MFHAS1: variants seen among roughly 807,000 people sequenced by gnomAD.
MFHAS1 encodes the protein malignant fibrous histiocytoma-amplified sequence 1.
A neutral mutation model predicts 70.4 loss-of-function variants in MFHAS1; 50 were observed. That is an observed-to-expected ratio of 0.71 (90% CI 0.57 to 0.90). The LOEUF is 0.90. MFHAS1 is among the 40% of genes least tolerant of loss of function. The pLI, the probability that MFHAS1 is intolerant of heterozygous loss-of-function variation, is 0.00. For missense variants in MFHAS1, 1,795 were observed against 1,347.6 expected (o/e 1.33, Z -5.20); for synonymous variants, 952 against 620.0 (o/e 1.54, Z -7.96).
chr8:8,853,568 G>C (rs1164996629), intron 1 of MFHAS1, among the ~76,000 whole-genome samples: 2 of 151,732 alleles, frequency 1.3e-5, no homozygotes, highest in East Asian at 3.9e-4. Context: ...TCAGGTCCTA[G>C]CTACGTATAT....
chr8:8,826,320 A>G (rs1807161356), intron 1 of MFHAS1, among the ~76,000 whole-genome samples: 1 of 151,624 alleles, frequency 6.6e-6, no homozygotes, highest in Non-Finnish European at 1.5e-5. Context: ...CTCTTCTTCC[A>G]TATTCACAGA....
chr8:8,825,432 C>A (rs1413103074), intron 1 of MFHAS1, among the ~76,000 whole-genome samples: 2 of 152,236 alleles, frequency 1.3e-5, no homozygotes, highest in African/African-American at 4.8e-5. Context: ...CTCAGCCTCC[C>A]AAAGTGCTGG....
intron 2 of MFHAS1, among the ~76,000 whole-genome samples, chr8:8,793,255 A>G (rs2117249931): frequency 6.6e-6 from 1 of 152,366 alleles, no homozygotes; most frequent in African/African-American, 2.4e-5. Context: ...AATTGTTTAA[A>G]ATAAGAAATA....
intron 1 of MFHAS1, among the ~76,000 whole-genome samples, chr8:8,877,312 A>AAAAAAAC (rs1809335692): frequency 6.6e-6 from 1 of 151,360 alleles, no homozygotes; most frequent in South Asian, 2.1e-4. Context: ...AAAAAAAAAA[A>AAAAAAAC]AAAAAAAACT....
chr8:8,822,639 T>G lies in MFHAS1; in HGVS notation c.2999-25148A>C, dbSNP rs59145701. ...GGGACCCAAGTCAGGGGGACTGAGA[T>G]GGAGACAGGGACCCAAGTCAGGGGG... On this transcript the variant is annotated intron_variant, in intron 1 of 2. Coordinates refer to ENST00000276282, the MANE Select transcript of MFHAS1 (RefSeq NM_004225.3). 4.5e-3 allele frequency among the ~76,000 whole-genome samples: 430 copies of G among 95,876 alleles called. 5 individuals carry two copies. Among genetic ancestry groups the G allele is most frequent in the African/African-American group, 0.017 (409 of 23,962 alleles). The allele number at this position is 95,876 out of a possible 152,430, so 62.9% of individuals were successfully genotyped here.
chr8:8,807,018 G>C (rs1303418014), intron 1 of MFHAS1, among the ~76,000 whole-genome samples: 1 of 152,024 alleles, frequency 6.6e-6, no homozygotes, highest in Non-Finnish European at 1.5e-5. Context: ...GCTTCAATGA[G>C]GTGGTTTTAT....
At chr8:8,883,195 G>A (rs1809597220) in intron 1 of MFHAS1, among the ~76,000 whole-genome samples, 1 of 152,052 alleles carries the variant, frequency 6.6e-6, no homozygotes, top group Non-Finnish European at 1.5e-5. Context: ...CTGAACCAGA[G>A]AGGACTGAGA....
chr8:8,811,560 G>T (rs569372301), intron 1 of MFHAS1, among the ~76,000 whole-genome samples: 1 of 152,306 alleles, frequency 6.6e-6, no homozygotes, highest in South Asian at 2.1e-4. Flanking sequence ...TTACCGGCGT[G>T]AGCCGCCATG....
chr8:8,817,565 C>T (rs1806793459), intron 1 of MFHAS1, among the ~76,000 whole-genome samples: 1 of 152,260 alleles, frequency 6.6e-6, no homozygotes, highest in Non-Finnish European at 1.5e-5. Context: ...TGCCGCAGTG[C>T]CCCTGGACTC....
chr8:8,793,751 A>C (rs1417559206), intron 2 of MFHAS1, among the ~76,000 whole-genome samples: 1 of 152,142 alleles, frequency 6.6e-6, no homozygotes, highest in Non-Finnish European at 1.5e-5. Flanking sequence ...CAGGGAACCC[A>C]CCCTTAGAGG....
At chr8:8,824,869 C>T (rs1807098396) in intron 1 of MFHAS1, among the ~76,000 whole-genome samples, 1 of 152,236 alleles carries the variant, frequency 6.6e-6, no homozygotes, top group Admixed American at 6.5e-5. Context: ...ACAGCGATCG[C>T]ACCCTGGAGG....
chr8:8,788,621 G>A (rs778916401), intron 2 of MFHAS1, among the ~76,000 whole-genome samples: 1 of 152,236 alleles, frequency 6.6e-6, no homozygotes, highest in Non-Finnish European at 1.5e-5. Context: ...GGAGGGTGCA[G>A]TGAACCAAGA....
chr8:8,866,619 G>C (rs1808868090), intron 1 of MFHAS1, among the ~76,000 whole-genome samples: 1 of 152,184 alleles, frequency 6.6e-6, no homozygotes, highest in South Asian at 2.1e-4. Context: ...CAGTCAGCCA[G>C]TAAGGATCAC....
intron 1 of MFHAS1, among the ~76,000 whole-genome samples, chr8:8,829,164 C>G (rs1299871406): frequency 1.3e-5 from 2 of 152,110 alleles, no homozygotes; most frequent in African/African-American, 4.8e-5. Context: ...CCTCTCATGC[C>G]TCTGCTAAGC....
In MFHAS1 at chr8:8,869,893, C is replaced by T. The variant is rs1809006703; in HGVS notation, c.2998+20168G>A. Among the ~76,000 whole-genome samples, 6 of 152,232 alleles carry T rather than the reference C, an allele frequency of 3.9e-5. No individual in the cohort carries two copies. In the South Asian group the frequency reaches 1.0e-3, roughly 26 times the overall value. On this transcript the variant is annotated intron_variant, in intron 1 of 2. Coordinates refer to ENST00000276282, the MANE Select transcript of MFHAS1 (RefSeq NM_004225.3). ...CTCAATTGCCTTCATCCCCAAGGAC[C>T]TACCTGGGGGCCTCTATTGTTTATT...
intron 1 of MFHAS1, among the ~76,000 whole-genome samples, chr8:8,799,067 AAAG>A (rs961746507): frequency 6.6e-6 from 1 of 151,958 alleles, no homozygotes; most frequent in Admixed American, 6.6e-5. Flanking sequence ...AAAAAAAAAA[AAAG>A]AAAAGAAATT....
intron 1 of MFHAS1, among the ~76,000 whole-genome samples, chr8:8,811,032 C>G (rs775047040): frequency 6.6e-6 from 1 of 152,110 alleles, no homozygotes; most frequent in African/African-American, 2.4e-5. Flanking sequence ...CAACTTTCTC[C>G]TTTTGCTCAT....
intron 1 of MFHAS1, among the ~76,000 whole-genome samples, chr8:8,847,413 C>T (rs1395432994): frequency 6.6e-6 from 1 of 152,196 alleles, no homozygotes; most frequent in Non-Finnish European, 1.5e-5. Context: ...AACTCCTGAC[C>T]TCAGGTGATG....
intron 1 of MFHAS1, among the ~76,000 whole-genome samples, chr8:8,855,496 G>A (rs231188): frequency 0.94 from 142,538 of 152,310 alleles, 66,742 homozygotes; most frequent in Non-Finnish European, 0.96. Context: ...GAAAATGAAC[G>A]TTATAGAATT....
Sources: gnomAD v4.1 joint callset for allele counts (sites outside exome capture counted in the v4.1 genomes callset) on GRCh38, gnomAD v4.1.1 for gene constraint, MANE v1.5 for transcripts, NCBI Gene and HGNC (gene_info 2026-07-23, HGNC 2026-07-21) for gene names.